TIPRL: variants seen among roughly 807,000 people sequenced by gnomAD.
TIPRL encodes the protein TOR signaling pathway regulator.
Under a neutral mutation model 32.3 loss-of-function variants are expected in TIPRL, and 10 were observed. The ratio of observed to expected loss-of-function variants is 0.31; its 90% confidence interval spans 0.19 to 0.52. The LOEUF (loss-of-function observed/expected upper bound fraction) is 0.52, where lower values mean the gene tolerates loss of function less well. Ranked by LOEUF, TIPRL falls within the 20% of genes least tolerant of loss-of-function variation. The pLI, the probability that TIPRL is intolerant of heterozygous loss-of-function variation, is 0.96. For synonymous variants in TIPRL, 100 were observed against 114.0 expected, an observed-to-expected ratio of 0.88 and a Z score of 0.78; for missense variants, 250 against 328.1, an observed-to-expected ratio of 0.76 and a Z score of 1.84.
intron 4 of TIPRL, among the ~76,000 whole-genome samples, chr1:168,194,369 C>T (rs572957446): frequency 2.0e-5 from 3 of 152,262 alleles, no homozygotes; most frequent in East Asian, 1.9e-4. Context: ...AATTCCCAAA[C>T]GTCCCCTAGG....
At chr1:168,194,140 T>A (rs1362492250) in intron 4 of TIPRL, among the ~76,000 whole-genome samples, 6 of 152,142 alleles carry the variant, frequency 3.9e-5, no homozygotes, top group African/African-American at 1.2e-4. Context: ...TTTTTTATTA[T>A]CTATGTAAAA....
intron 1 of TIPRL, 115 bp from the exon 2 acceptor site, chr1:168,183,787 A>G (rs1699995030): frequency 1.9e-6 from 2 of 1,072,600 alleles, no homozygotes; most frequent in Non-Finnish European, 2.7e-6. Context: ...TATTGATTAA[A>G]TCATGTGCTG....
In TIPRL at chr1:168,201,172, A is replaced by G. The variant is rs1700204161; in HGVS notation, c.*1126A>G. The stretch of plus-strand genomic sequence containing the variant: ...GCCTTTCTAGAAAAATGGTTGTCAT[A>G]AAGTGGAAAGTGATTAAAAAGCATC... On this transcript the variant is annotated 3_prime_UTR_variant, in exon 7 of 7. Transcript: ENST00000367833. 1 of 152,134 alleles carries G rather than the reference A, an allele frequency of 6.6e-6. No individual in the cohort carries two copies. The highest frequency in any genetic ancestry group is 2.4e-5 in the African/African-American group (1 of 41,440). The allele number at this position is 152,134 out of a possible 1,614,324, so 9.4% of individuals were successfully genotyped here.
At chr1:168,184,934 T>C in intron 3 of TIPRL, 56 bp downstream of exon 3, 2 of 1,138,646 alleles carry the variant, frequency 1.8e-6, no homozygotes, top group South Asian at 2.8e-5. Flanking sequence ...AGTCTGAGCA[T>C]TAGAACTTTC....
In TIPRL at chr1:168,201,621, C is replaced by T. The variant is rs1700208233; in HGVS notation, c.*1575C>T. The T allele has an allele frequency of 6.6e-6, 1 of 150,404 alleles. No individual in the cohort carries two copies. Among genetic ancestry groups the T allele is most frequent in the Non-Finnish European group, 1.5e-5 (1 of 67,508 alleles). The allele number at this position is 150,404 out of a possible 1,614,324, so 9.3% of individuals were successfully genotyped here. A position where few individuals can be genotyped will look rare whatever the true frequency, so the allele number is the denominator to read the frequency against. On this transcript the variant is annotated 3_prime_UTR_variant, in exon 7 of 7. Coordinates refer to ENST00000367833, the MANE Select transcript of TIPRL (RefSeq NM_152902.5). ...CTCTTAGGACAGAAAAGTAGACACA[C>T]ACACACACACACACACACATGTTGT... is the stretch of plus-strand genomic sequence containing the variant.
Position 168,200,350 on chromosome 1 carries a change from G to A in TIPRL, c.*304G>A. 4.6e-6 allele frequency: 1 copy of A among 215,890 alleles called. No individual in the cohort carries two copies. Among genetic ancestry groups the A allele is most frequent in the South Asian group, 9.6e-5 (1 of 10,416 alleles). The allele number at this position is 215,890 out of a possible 1,614,324, so 13.4% of individuals were successfully genotyped here. A position where few individuals can be genotyped will look rare whatever the true frequency, so the allele number is the denominator to read the frequency against. ...GTCTCATGAGCAGTGAGCACAGTCT[G>A]CATTCATCATGAAACACTATCTTCT... On this transcript the variant is annotated 3_prime_UTR_variant, in exon 7 of 7. Transcript: ENST00000367833.
chr1:168,193,392 T>C (rs896241842), intron 4 of TIPRL, among the ~76,000 whole-genome samples: 1 of 152,224 alleles, frequency 6.6e-6, no homozygotes, highest in East Asian at 1.9e-4. Context: ...ATCATTATTC[T>C]AGCATTAGAT....
intron 3 of TIPRL, among the ~76,000 whole-genome samples, chr1:168,185,155 A>G (rs775430771): frequency 3.9e-5 from 6 of 152,340 alleles, no homozygotes; most frequent in Non-Finnish European, 5.9e-5. Flanking sequence ...AAACATTAAA[A>G]TGTGTTTCGG....
chr1:168,181,629 T>C (rs1572428574), intron 1 of TIPRL, among the ~76,000 whole-genome samples: 1 of 151,654 alleles, frequency 6.6e-6, no homozygotes, highest in African/African-American at 2.4e-5. Context: ...AATTATATTA[T>C]ATATAAAGCA....
intron 1 of TIPRL, among the ~76,000 whole-genome samples, chr1:168,181,606 TAATAC>T (rs1341150608): frequency 2.7e-5 from 4 of 149,100 alleles, no homozygotes; most frequent in Admixed American, 6.7e-5. Context: ...TGCACCAACA[TAATAC>T]AATATATAAT....
At chr1:168,192,319 C>A in intron 4 of TIPRL, 2 of 998,764 alleles carry the variant, frequency 2.0e-6, no homozygotes, top group Non-Finnish European at 2.5e-6. Flanking sequence ...GCACTCCAGC[C>A]CTCCAGCCTG....
intron 4 of TIPRL, among the ~76,000 whole-genome samples, chr1:168,194,047 C>G (rs908160190): frequency 2.6e-5 from 4 of 152,116 alleles, no homozygotes; most frequent in Admixed American, 1.3e-4. Flanking sequence ...ATGAACAACT[C>G]TTAGTGAAGT....
At chr1:168,194,638 A>T (rs527922253) in intron 4 of TIPRL, among the ~76,000 whole-genome samples, 1 of 152,246 alleles carries the variant, frequency 6.6e-6, no homozygotes, top group Non-Finnish European at 1.5e-5. Flanking sequence ...TCAAGTTGTC[A>T]TAAGTCAGGT....
chr1:168,189,716 A>G (rs576337492), intron 3 of TIPRL, among the ~76,000 whole-genome samples: 2 of 152,300 alleles, frequency 1.3e-5, no homozygotes, highest in African/African-American at 2.4e-5. Flanking sequence ...AGAGAGAGAT[A>G]TGTGGAGTTG....
intron 1 of TIPRL, among the ~76,000 whole-genome samples, chr1:168,182,531 CAG>C (rs1346783109): frequency 1.3e-5 from 2 of 152,022 alleles, no homozygotes; most frequent in Non-Finnish European, 2.9e-5. Flanking sequence ...AAGGCTGAAA[CAG>C]GAGGATTGCT....
chr1:168,191,785 T>C (rs1480206386), intron 4 of TIPRL, among the ~76,000 whole-genome samples: 1 of 130,810 alleles, frequency 7.6e-6, no homozygotes, highest in African/African-American at 3.0e-5. Context: ...GGCAGGAGAG[T>C]AGCGTGAACC....
In TIPRL at chr1:168,197,935, C is replaced by CA. The variant is rs1235489689; in HGVS notation, c.613-983dup. On this transcript the variant is annotated intron_variant, in intron 5 of 6. Coordinates refer to ENST00000367833, the MANE Select transcript of TIPRL (RefSeq NM_152902.5). ...TACTAATATTAATTGGGCAATTACT[C>CA]AGAGTTATACGTACATGAATATTCA... 3.3e-5 allele frequency among the ~76,000 whole-genome samples: 5 copies of CA among 152,112 alleles called. No homozygotes were observed. The East Asian group carries it at 9.7e-4, about 30-fold the overall frequency.
chr1:168,201,731 T>G lies in TIPRL; in HGVS notation c.*1685T>G, dbSNP rs528126831. The stretch of plus-strand genomic sequence containing the variant: ...ATGCAAACTATATGAAATGAAAAAC[T>G]TTTAAGACTCTTCATTAATTGGAGC... On this transcript the variant is annotated 3_prime_UTR_variant, in exon 7 of 7. Transcript: ENST00000367833. 2.0e-5 allele frequency: 3 copies of G among 151,642 alleles called. No individual in the cohort carries two copies. Among genetic ancestry groups the G allele is most frequent in the Admixed American group, 6.6e-5 (1 of 15,224 alleles). 9.4% of individuals were successfully genotyped at this position (151,642 alleles called of 1,614,324 possible).
intron 5 of TIPRL, among the ~76,000 whole-genome samples, 155 bp downstream of exon 5, chr1:168,196,797 G>A (rs952661639): frequency 6.6e-6 from 1 of 152,128 alleles, no homozygotes; most frequent in Non-Finnish European, 1.5e-5. Context: ...GTTGACTGCA[G>A]GCTATCATCA....
Sources: allele counts gnomAD v4.1 joint callset (sites outside exome capture counted in the v4.1 genomes callset), GRCh38; gene constraint gnomAD v4.1.1; transcripts MANE v1.5; gene names NCBI Gene and HGNC (gene_info 2026-07-23, HGNC 2026-07-21).